Variants in LRPPRC observed in about 807,000 individuals in gnomAD.
LRPPRC encodes the protein leucine rich pentatricopeptide repeat containing.
LRPPRC carries 120 observed loss-of-function variants against 180.3 expected under a neutral mutation model. The ratio of observed to expected loss-of-function variants is 0.67; its 90% CI spans 0.57 to 0.77. The LOEUF is 0.77. Ranked by LOEUF, LRPPRC falls within the 30% of genes least tolerant of loss-of-function variation. The probability of loss-of-function intolerance (pLI) is 0.00; values close to 1 mark genes in which losing one functional copy is unlikely to be tolerated. For missense variants in LRPPRC, 2,012 were observed against 1,657.2 expected (o/e 1.21, Z -3.72); for synonymous variants, 723 against 600.0 (o/e 1.21, Z -3.00).
intron 1 of LRPPRC, among the ~76,000 whole-genome samples, chr2:43,992,383 T>C (rs1674819775): frequency 6.6e-6 from 1 of 152,230 alleles, no homozygotes; most frequent in South Asian, 2.1e-4. Context: ...GAAGCCCTGC[T>C]GTAGAGCACT....
intron 14 of LRPPRC, among the ~76,000 whole-genome samples, chr2:43,954,186 T>TA (rs1167825991): frequency 3.3e-5 from 5 of 151,570 alleles, no homozygotes; most frequent in South Asian, 2.1e-4. Flanking sequence ...CAACAAGGTT[T>TA]AAAAAAAAAC....
chr2:43,971,640 TG>T (rs1162496227), intron 11 of LRPPRC, among the ~76,000 whole-genome samples: 2 of 151,928 alleles, frequency 1.3e-5, no homozygotes, highest in Non-Finnish European at 2.9e-5. Flanking sequence ...TTATTCCTCA[TG>T]AAACACAGCA....
At chr2:43,911,428 C>A (rs757131020) in intron 30 of LRPPRC, among the ~76,000 whole-genome samples, 16 of 151,760 alleles carry the variant, frequency 1.1e-4, no homozygotes, top group Non-Finnish European at 2.1e-4. Flanking sequence ...GGATGGCAGG[C>A]ATCCATTTTC....
chr2:43,914,584 T>G (rs1671373388), intron 29 of LRPPRC, among the ~76,000 whole-genome samples: 2 of 151,480 alleles, frequency 1.3e-5, no homozygotes, highest in South Asian at 4.2e-4. Context: ...AAAAATTAGC[T>G]AGGGGTGGTG....
chr2:43,920,382 G>T (rs1476979483), intron 27 of LRPPRC, among the ~76,000 whole-genome samples: 1 of 152,064 alleles, frequency 6.6e-6, no homozygotes, highest in Non-Finnish European at 1.5e-5. Context: ...GCAATTCACT[G>T]GCCTTGGCCT....
At chr2:43,890,086 A>T (rs1381782158) in intron 36 of LRPPRC, 1 of 601,084 alleles carries the variant, frequency 1.7e-6, no homozygotes, top group Non-Finnish European at 3.0e-6. Flanking sequence ...GAAGGAGAAG[A>T]AAATGACAAA....
chr2:43,892,101 C>T (rs183023016), intron 36 of LRPPRC, among the ~76,000 whole-genome samples: 2 of 152,164 alleles, frequency 1.3e-5, no homozygotes, highest in South Asian at 2.1e-4. Context: ...CTCCATGACA[C>T]GAAAGTCCAA....
chr2:43,889,178 G>A (rs1237510252), intron 37 of LRPPRC, among the ~76,000 whole-genome samples: 2 of 152,098 alleles, frequency 1.3e-5, no homozygotes, highest in Non-Finnish European at 2.9e-5. Context: ...TGCCAGGCAT[G>A]GTGGCAGGCC....
intron 14 of LRPPRC, among the ~76,000 whole-genome samples, chr2:43,956,821 C>T (rs1389028718): frequency 6.6e-6 from 1 of 152,056 alleles, no homozygotes; most frequent in African/African-American, 2.4e-5. Context: ...ACCCAGGAGG[C>T]GGACGTCGCA....
rs552120796 is a variant in LRPPRC at position 43,954,605 on chromosome 2, C to T, written c.1649+2780G>A. Among the ~76,000 whole-genome samples, 4 of 152,208 alleles carry T rather than the reference C, an allele frequency of 2.6e-5. No individual in the cohort carries two copies. In the South Asian group the frequency reaches 6.2e-4, roughly 24 times the overall value. On this transcript the variant is annotated intron_variant, in intron 14 of 37. Coordinates refer to ENST00000260665, the MANE Select transcript of LRPPRC (RefSeq NM_133259.4). ...CATACACTCTTGAAAACAGACGTCTCTTTTTTACATTCTAGCCACTGAGGG... is the reference window on the plus strand; with the variant it reads ...CATACACTCTTGAAAACAGACGTCTTTTTTTTACATTCTAGCCACTGAGGG...
At chr2:43,942,502 G>A (rs565286919) in intron 23 of LRPPRC, among the ~76,000 whole-genome samples, 14 of 152,216 alleles carry the variant, frequency 9.2e-5, no homozygotes, top group Non-Finnish European at 1.9e-4. Flanking sequence ...CATCTAACCC[G>A]GTAATTGTTT....
At chr2:43,938,922 T>G (rs1198038663) in intron 23 of LRPPRC, among the ~76,000 whole-genome samples, 4 of 152,106 alleles carry the variant, frequency 2.6e-5, no homozygotes, top group Non-Finnish European at 5.9e-5. Context: ...GCTTTAAACT[T>G]AAGTCTCGTA....
chr2:43,987,093 T>A (rs560790907), intron 1 of LRPPRC, among the ~76,000 whole-genome samples: 5 of 152,208 alleles, frequency 3.3e-5, no homozygotes, highest in African/African-American at 1.2e-4. Context: ...CCTTGCACAG[T>A]TGGAATAAAT....
In LRPPRC at chr2:43,934,190, C is replaced by G; in HGVS notation, c.2736G>C (p.Glu912Asp). ...GNYKEAKKII[E>D]TPGIRARSAR... ...TAGAACACTGTAGTTAAAATCACACCTCAATGATCTTCTTGGCCTCTTTGT... is the reference window on the plus strand; with the variant it reads ...TAGAACACTGTAGTTAAAATCACACGTCAATGATCTTCTTGGCCTCTTTGT... The change falls in exon 25 of 38, where the codon GAG becomes GAC. Residue 912 changes from glutamate (E) to aspartate (D), a missense_variant and splice_region_variant. Coordinates refer to ENST00000260665, the MANE Select transcript of LRPPRC (RefSeq NM_133259.4). 1 of 1,557,060 alleles carries G rather than the reference C, an allele frequency of 6.4e-7. No individual in the cohort carries two copies. Among genetic ancestry groups the G allele is most frequent in the Non-Finnish European group, 8.9e-7 (1 of 1,128,854 alleles).
chr2:43,912,177 GA>G (rs1340005729), intron 30 of LRPPRC, among the ~76,000 whole-genome samples: 1 of 152,096 alleles, frequency 6.6e-6, no homozygotes, highest in African/African-American at 2.4e-5. Context: ...TCTGTGCATG[GA>G]TATCTTAAAT....
chr2:43,918,471 T>C, intron 27 of LRPPRC, 73 bp from the exon 28 acceptor site: 2 of 1,142,550 alleles, frequency 1.8e-6, no homozygotes, highest in East Asian at 2.4e-5. Flanking sequence ...TTTAGAACTT[T>C]TTCTTATTTG....
chr2:43,905,768 G>A lies in LRPPRC; in HGVS notation c.3288C>T (p.His1096=). Residue 1096 remains histidine, a synonymous_variant, in exon 31 of 38, where the codon CAC becomes CAT. Coordinates refer to ENST00000260665, the MANE Select transcript of LRPPRC (RefSeq NM_133259.4). ...CATCGTTCAGTGTGAAGCCCTTGAT[G>A]TGGGTCTCCGCGCTAAAAGAAGCAG... The part of the protein sequence containing the change: ...AMEVKAFAET[H]IKGFTLNDAA... The A allele has an allele frequency of 1.2e-6, 2 of 1,609,830 alleles. No homozygotes were observed. The highest frequency in any genetic ancestry group is 1.3e-5 in the African/African-American group (1 of 74,992).
intron 1 of LRPPRC, among the ~76,000 whole-genome samples, chr2:43,984,867 T>C (rs985254859): frequency 3.3e-5 from 5 of 152,194 alleles, no homozygotes; most frequent in African/African-American, 9.7e-5. Flanking sequence ...CTGGCTCCTT[T>C]ACATTTCCTA....
Position 43,918,252 on chromosome 2 carries a change from T to C in LRPPRC, c.3039+4A>G. 6.2e-7 allele frequency: 1 copy of C among 1,613,138 alleles called. No individual in the cohort carries two copies. Among genetic ancestry groups the C allele is most frequent in the Non-Finnish European group, 8.5e-7 (1 of 1,179,106 alleles). ...TCTGTTACGATTATGCCAAAAACAA[T>C]TACCTCAGGTACGTCAAACGGAACT... is the stretch of plus-strand genomic sequence containing the variant. On this transcript the variant is annotated splice_donor_region_variant and intron_variant, in intron 28 of 37. Coordinates refer to ENST00000260665, the MANE Select transcript of LRPPRC (RefSeq NM_133259.4).
Sources: gnomAD v4.1 joint callset for allele counts (sites outside exome capture counted in the v4.1 genomes callset) on GRCh38, gnomAD v4.1.1 for gene constraint, MANE v1.5 for transcripts, NCBI Gene and HGNC (gene_info 2026-07-23, HGNC 2026-07-21) for gene names.